The following BTRC variants were observed in gnomAD, a reference collection of about 807,000 sequenced individuals.
The protein encoded by BTRC is beta-transducin repeat containing E3 ubiquitin protein ligase.
BTRC carries 42 observed loss-of-function variants against 85.5 expected under a neutral mutation model. That is an observed-to-expected ratio of 0.49 (90% CI 0.38 to 0.64). The LOEUF is 0.64. Ranked by LOEUF, BTRC falls within the 30% of genes least tolerant of loss-of-function variation. The pLI is 0.00. For synonymous variants in BTRC, 255 were observed against 263.3 expected, an observed-to-expected ratio of 0.97 and a Z score of 0.30; for missense variants, 594 against 743.5, an observed-to-expected ratio of 0.80 and a Z score of 2.34.
intron 1 of BTRC, among the ~76,000 whole-genome samples, chr10:101,375,207 G>A (rs926687045): frequency 6.6e-6 from 1 of 152,184 alleles, no homozygotes; most frequent in East Asian, 1.9e-4. Flanking sequence ...CTTTTGTGCT[G>A]TTTTCGTGAT....
chr10:101,510,391 T>TC (rs1241200421), intron 4 of BTRC, among the ~76,000 whole-genome samples: 1 of 151,270 alleles, frequency 6.6e-6, no homozygotes, highest in African/African-American at 2.4e-5. Context: ...GTGCCTGTAG[T>TC]CCCAGCTACT....
At chr10:101,355,534 A>AT (rs1942009391) in intron 1 of BTRC, among the ~76,000 whole-genome samples, 1 of 152,248 alleles carries the variant, frequency 6.6e-6, no homozygotes, top group Non-Finnish European at 1.5e-5. Flanking sequence ...GATGGAATGC[A>AT]TAGATTTTAA....
At chr10:101,483,339 A>T (rs1308948275) in intron 4 of BTRC, among the ~76,000 whole-genome samples, 1 of 152,242 alleles carries the variant, frequency 6.6e-6, no homozygotes, top group African/African-American at 2.4e-5. Context: ...TCACACCTGT[A>T]ATCCCAGTAC....
At chr10:101,490,104 AT>A (rs11450967) in intron 4 of BTRC, among the ~76,000 whole-genome samples, 57 of 149,904 alleles carry the variant, frequency 3.8e-4, no homozygotes, top group Non-Finnish European at 6.4e-4. Context: ...TCCCACCCCC[AT>A]TTTTTTTTCA....
chr10:101,514,268 T>C (rs560238705), intron 4 of BTRC, among the ~76,000 whole-genome samples: 18 of 152,294 alleles, frequency 1.2e-4, no homozygotes, highest in African/African-American at 4.1e-4. Context: ...CTGACTTTTT[T>C]TTCCTTTTAT....
intron 4 of BTRC, among the ~76,000 whole-genome samples, chr10:101,488,109 C>A (rs1019214542): frequency 5.3e-5 from 8 of 152,176 alleles, no homozygotes; most frequent in African/African-American, 1.9e-4. Flanking sequence ...AGAGGAATTA[C>A]ATTTTTTAAA....
At chr10:101,375,725 A>C (rs532707126) in intron 1 of BTRC, among the ~76,000 whole-genome samples, 2 of 152,216 alleles carry the variant, frequency 1.3e-5, no homozygotes, top group Non-Finnish European at 2.9e-5. Context: ...ATAGTTCTAC[A>C]CTTTACCCTG....
At chr10:101,462,343 T>C (rs1267098335) in intron 3 of BTRC, among the ~76,000 whole-genome samples, 1 of 152,160 alleles carries the variant, frequency 6.6e-6, no homozygotes, top group Non-Finnish European at 1.5e-5. Flanking sequence ...AGCAATATTT[T>C]GTTTGCTTTT....
At chr10:101,454,952 T>G (rs535709349) in intron 2 of BTRC, among the ~76,000 whole-genome samples, 1 of 152,306 alleles carries the variant, frequency 6.6e-6, no homozygotes, top group African/African-American at 2.4e-5. Flanking sequence ...AACTTCATAT[T>G]TGATTTCATA....
At chr10:101,450,464 CCTT>C (rs1944931018) in intron 2 of BTRC, among the ~76,000 whole-genome samples, 1 of 152,162 alleles carries the variant, frequency 6.6e-6, no homozygotes, top group South Asian at 2.1e-4. Context: ...TCTCTTCTAT[CCTT>C]CTTATCAGAG....
At chr10:101,359,155 T>C (rs1942128636) in intron 1 of BTRC, among the ~76,000 whole-genome samples, 1 of 152,180 alleles carries the variant, frequency 6.6e-6, no homozygotes, top group Non-Finnish European at 1.5e-5. Flanking sequence ...GTAAACTTGC[T>C]TACTTACTTC....
At chr10:101,541,265 C>CT (rs34740269) in intron 13 of BTRC, among the ~76,000 whole-genome samples, 190 of 147,080 alleles carry the variant, frequency 1.3e-3, no homozygotes, top group African/African-American at 1.7e-3. Flanking sequence ...GGGTTTTTCT[C>CT]TTTTTTTTTT....
chr10:101,410,273 T>A (rs1415711562), intron 1 of BTRC, among the ~76,000 whole-genome samples: 2 of 152,110 alleles, frequency 1.3e-5, no homozygotes, highest in Non-Finnish European at 2.9e-5. Context: ...GTGTGAAGGG[T>A]ACATTATCGT....
intron 4 of BTRC, among the ~76,000 whole-genome samples, chr10:101,486,412 T>G (rs1945989377): frequency 6.6e-6 from 1 of 150,806 alleles, no homozygotes. Context: ...TGCAGGAATT[T>G]TAAGGAGAAA....
chr10:101,370,231 C>G (rs1942593691), intron 1 of BTRC, among the ~76,000 whole-genome samples: 1 of 152,152 alleles, frequency 6.6e-6, no homozygotes, highest in African/African-American at 2.4e-5. Flanking sequence ...AGGTGATCCT[C>G]CTGCCTCAGT....
chr10:101,400,014 G>A (rs1589423081), intron 1 of BTRC, among the ~76,000 whole-genome samples: 1 of 152,158 alleles, frequency 6.6e-6, no homozygotes, highest in Admixed American at 6.5e-5. Flanking sequence ...ACAAAAGAAG[G>A]CCTCACAATG....
intron 1 of BTRC, among the ~76,000 whole-genome samples, chr10:101,393,448 C>T (rs1251235019): frequency 6.6e-6 from 1 of 152,062 alleles, no homozygotes; most frequent in Admixed American, 6.6e-5. Flanking sequence ...AATCTTGGAG[C>T]TCTCAAGATG....
At chr10:101,469,581 CCT>C (rs1945468267) in intron 3 of BTRC, among the ~76,000 whole-genome samples, 1 of 152,064 alleles carries the variant, frequency 6.6e-6, no homozygotes, top group Non-Finnish European at 1.5e-5. Context: ...ACTGGACAAA[CCT>C]CTGTAAAAAA....
chr10:101,381,447 A>G (rs1255024196), intron 1 of BTRC, among the ~76,000 whole-genome samples: 3 of 152,202 alleles, frequency 2.0e-5, no homozygotes, highest in Admixed American at 2.0e-4. Context: ...TAACTGTTCT[A>G]TCTACTGGGT....
Sources: gnomAD v4.1 joint callset for allele counts (sites outside exome capture counted in the v4.1 genomes callset) on GRCh38, gnomAD v4.1.1 for gene constraint, MANE v1.5 for transcripts, NCBI Gene and HGNC (gene_info 2026-07-23, HGNC 2026-07-21) for gene names.